NAA25: variants seen among roughly 807,000 people sequenced by gnomAD.
NAA25 encodes N-terminal acetyltransferase B complex subunit NAA25.
In NAA25, 30 loss-of-function variants were observed where a neutral mutation model predicts 132.5. That is an observed-to-expected ratio of 0.23 (90% CI 0.17 to 0.31). The LOEUF is 0.31. Among genes scored for constraint, NAA25 ranks in the 10% least tolerant of loss-of-function variants. The probability of loss-of-function intolerance (pLI) is 1.00; values close to 1 mark genes in which losing one functional copy is unlikely to be tolerated. For synonymous variants in NAA25, 359 were observed against 401.9 expected, an observed-to-expected ratio of 0.89 and a Z score of 1.28; for missense variants, 771 against 1,150.4, an observed-to-expected ratio of 0.67 and a Z score of 4.77.
intron 2 of NAA25, among the ~76,000 whole-genome samples, chr12:112,091,944 T>C (rs1217110393): frequency 6.6e-6 from 1 of 152,158 alleles, no homozygotes; most frequent in Non-Finnish European, 1.5e-5. Context: ...CAGCTAGCTT[T>C]TACTGAAATA....
Position 112,039,219 on chromosome 12 carries a change from C to G in NAA25, c.2649+10G>C, listed in dbSNP as rs1196588404. On this transcript the variant is annotated intron_variant, in intron 22 of 23. Coordinates refer to ENST00000261745, the MANE Select transcript of NAA25 (RefSeq NM_024953.4). ...TGTTCCTTGTATATCACTTGTGTTA[C>G]TGTTATTACCATGATGATGCTGGTT... 1 of 1,486,938 alleles carries G rather than the reference C, an allele frequency of 6.7e-7. No individual in the cohort carries two copies. The highest frequency in any genetic ancestry group is 2.3e-5 in the East Asian group (1 of 43,856). 92.1% of individuals were successfully genotyped at this position (1,486,938 alleles called of 1,614,324 possible). A position where few individuals can be genotyped will look rare whatever the true frequency, so the allele number is the denominator to read the frequency against.
At chr12:112,033,558 G>A in intron 22 of NAA25, 179 bp from the exon 23 acceptor site, 1 of 410,380 alleles carries the variant, frequency 2.4e-6, no homozygotes, top group East Asian at 3.8e-5. Context: ...AAATAACACA[G>A]TAATATTAAA....
At chr12:112,072,950 A>G (rs1373298529) in intron 9 of NAA25, among the ~76,000 whole-genome samples, 1 of 151,786 alleles carries the variant, frequency 6.6e-6, no homozygotes, top group Non-Finnish European at 1.5e-5. Context: ...AAAAGAAAAA[A>G]AGGCCAGGCA....
chr12:112,093,140 T>A lies in NAA25; in HGVS notation c.59-4A>T. ...TTATTACCATTGTCAAGATAATCTA[T>A]GAAAAAACAAATTATGTGACAGTTA... On this transcript the variant is annotated splice_region_variant and splice_polypyrimidine_tract_variant and intron_variant, in intron 1 of 23. Coordinates refer to ENST00000261745, the MANE Select transcript of NAA25 (RefSeq NM_024953.4). The A allele has an allele frequency of 6.5e-7, 1 of 1,544,300 alleles. No homozygotes were observed. Among genetic ancestry groups the A allele is most frequent in the Admixed American group, 1.7e-5 (1 of 58,468 alleles).
rs57810657 is a variant in NAA25 at position 112,037,275 on chromosome 12, C to CATATATATATAT, written c.2649+1942_2649+1953dup. 6.1e-4 allele frequency among the ~76,000 whole-genome samples: 40 copies of CATATATATATAT among 65,182 alleles called. 2 individuals are homozygous for CATATATATATAT. Among genetic ancestry groups the CATATATATATAT allele is most frequent in the East Asian group, 1.5e-3 (3 of 1,972 alleles). The allele number at this position is 65,182 out of a possible 152,430, so 42.8% of individuals were successfully genotyped here. A position where few individuals can be genotyped will look rare whatever the true frequency, so the allele number is the denominator to read the frequency against. The stretch of plus-strand genomic sequence containing the variant: ...TCAGATAGCGATATTTTAAAAAATA[C>CATATATATATAT]ATATATATATATATATATATATATA... On this transcript the variant is annotated intron_variant, in intron 22 of 23. Coordinates refer to ENST00000261745, the MANE Select transcript of NAA25 (RefSeq NM_024953.4).
chr12:112,104,590 A>G (rs745931559), intron 1 of NAA25, among the ~76,000 whole-genome samples: 1 of 152,058 alleles, frequency 6.6e-6, no homozygotes, highest in Non-Finnish European at 1.5e-5. Context: ...TAATCCCAGC[A>G]CTTTGGGAGG....
In NAA25 at chr12:112,071,999, G is replaced by A. The variant is rs763430931; in HGVS notation, c.932C>T (p.Thr311Met). 9.3e-6 allele frequency: 15 copies of A among 1,613,824 alleles called. No individual in the cohort carries two copies. The highest frequency in any genetic ancestry group is 1.1e-5 in the South Asian group (1 of 91,068). ...ATGGCGAGAACTTTTAGATTCTTCC[G>A]TTATCCGATCTTCTATAAACTTCAC... is the stretch of plus-strand genomic sequence containing the variant. ...KAVKFIEDRI[T>M]EESKSSRHLR... The change falls in exon 10 of 24, where the codon ACG becomes ATG. Residue 311 changes from threonine to methionine, a missense_variant. By Grantham distance (81) the Thr-to-Met change is moderately conservative (BLOSUM62 -1). Coordinates refer to ENST00000261745, the MANE Select transcript of NAA25 (RefSeq NM_024953.4).
intron 17 of NAA25, among the ~76,000 whole-genome samples, chr12:112,046,697 A>G (rs1482396700): frequency 6.6e-6 from 1 of 152,226 alleles, no homozygotes; most frequent in Non-Finnish European, 1.5e-5. Context: ...TAAATGCATA[A>G]TAAGTATTTA....
chr12:112,065,348 A>C (rs1345138418), intron 11 of NAA25, among the ~76,000 whole-genome samples: 1 of 151,916 alleles, frequency 6.6e-6, no homozygotes, highest in Non-Finnish European at 1.5e-5. Flanking sequence ...AATACAAAAA[A>C]AATTAGCTAG....
chr12:112,093,122 C>T lies in NAA25; in HGVS notation c.73G>A (p.Gly25Ser), dbSNP rs1283367740. 1 of 1,602,560 alleles carries T rather than the reference C, an allele frequency of 6.2e-7. No homozygotes were observed. The highest frequency in any genetic ancestry group is 8.5e-7 in the Non-Finnish European group (1 of 1,170,476). The change falls in exon 2 of 24, where the codon GGT (glycine) becomes AGT (serine). Residue 25 changes from glycine to serine, a missense_variant. By Grantham distance (56) the Gly-to-Ser change is moderately conservative. Transcript: ENST00000261745. The part of the protein sequence containing the change: ...LRPIYDYLDN[G>S]NNKMAIQQAD... ...TGCTGAATTGCCATTTTATTATTACCATTGTCAAGATAATCTATGAAAAAA... is the reference window on the plus strand; with the variant it reads ...TGCTGAATTGCCATTTTATTATTACTATTGTCAAGATAATCTATGAAAAAA...
chr12:112,050,775 T>C (rs1339635990), intron 15 of NAA25, among the ~76,000 whole-genome samples: 1 of 152,230 alleles, frequency 6.6e-6, no homozygotes, highest in South Asian at 2.1e-4. Context: ...CTAGTGCTTA[T>C]TTTCATATTT....
chr12:112,099,436 A>G (rs981360153), intron 1 of NAA25, among the ~76,000 whole-genome samples: 7 of 152,088 alleles, frequency 4.6e-5, no homozygotes, highest in Admixed American at 1.3e-4. Flanking sequence ...TCATAGCAAT[A>G]ATATAATTAT....
In NAA25 at chr12:112,075,681, T is replaced by C. The variant is rs1168067895; in HGVS notation, c.773A>G (p.Lys258Arg). Residue 258 changes from lysine to arginine, a missense_variant, in exon 8 of 24, where the codon AAA (lysine) becomes AGA (arginine). By Grantham distance (26) the Lys-to-Arg change is conservative. Transcript: ENST00000261745. Reference sequence around the variant, plus strand: ...ACAAAAGAAAGCTTTTACTCACTTTTTTAGTAAGAGGCGCCGGGAAAGGGC... The same window carrying C: ...ACAAAAGAAAGCTTTTACTCACTTTCTTAGTAAGAGGCGCCGGGAAAGGGC... ...CNALSRRLLL[K>R]NSDDWQFYLT... 1 of 1,613,426 alleles carries C rather than the reference T, an allele frequency of 6.2e-7. No homozygotes were observed. The highest frequency in any genetic ancestry group is 8.5e-7 in the Non-Finnish European group (1 of 1,179,428).
At chr12:112,068,000 AGTGCTG>A (rs2078744397) in intron 11 of NAA25, among the ~76,000 whole-genome samples, 1 of 151,974 alleles carries the variant, frequency 6.6e-6, no homozygotes, top group African/African-American at 2.4e-5. Flanking sequence ...AGCCTCCCAA[AGTGCTG>A]GGATTACAGG....
chr12:112,061,776 A>C (rs948650002), intron 11 of NAA25, among the ~76,000 whole-genome samples: 2 of 152,220 alleles, frequency 1.3e-5, no homozygotes, highest in Non-Finnish European at 2.9e-5. Flanking sequence ...AAATTAAAAA[A>C]AAATTAATCT....
chr12:112,030,871 G>C (rs1687595062), intron 23 of NAA25, among the ~76,000 whole-genome samples: 1 of 152,172 alleles, frequency 6.6e-6, no homozygotes, highest in African/African-American at 2.4e-5. Context: ...ATATTCTGCA[G>C]CTGTTTAATG....
chr12:112,042,940 C>G (rs1313984856), intron 19 of NAA25, 148 bp downstream of exon 19: 5 of 597,334 alleles, frequency 8.4e-6, no homozygotes, highest in African/African-American at 7.4e-5. Flanking sequence ...TACGACTGTA[C>G]CCTCTCATAC....
At chr12:112,072,141 T>A in intron 9 of NAA25, 77 bp from the exon 10 acceptor site, 1 of 1,212,896 alleles carries the variant, frequency 8.2e-7, no homozygotes, top group Non-Finnish European at 1.1e-6. Context: ...GCCAAACTCA[T>A]TTAAAAAGAG....
intron 7 of NAA25, among the ~76,000 whole-genome samples, chr12:112,076,670 T>C (rs926037106): frequency 3.9e-5 from 6 of 152,026 alleles, no homozygotes; most frequent in Non-Finnish European, 7.4e-5. Flanking sequence ...TCTAACTTTT[T>C]ACTATCCATA....
Sources: allele counts gnomAD v4.1 joint callset (sites outside exome capture counted in the v4.1 genomes callset), GRCh38; gene constraint gnomAD v4.1.1; transcripts MANE v1.5; gene names NCBI Gene and HGNC (gene_info 2026-07-23, HGNC 2026-07-21).